TIAM1: variants seen among roughly 807,000 people sequenced by gnomAD.
The protein encoded by TIAM1 is rho guanine nucleotide exchange factor TIAM1.
In TIAM1, 65 loss-of-function variants were observed where a neutral mutation model predicts 163.5. The ratio of observed to expected loss-of-function variants is 0.40; its 90% CI spans 0.33 to 0.49. The LOEUF (loss-of-function observed/expected upper bound fraction) is 0.49. TIAM1 is among the 20% of genes least tolerant of loss of function. The pLI, the probability that TIAM1 is intolerant of heterozygous loss-of-function variation, is 0.77. For missense variants in TIAM1, 1,789 were observed against 2,044.7 expected (o/e 0.87, Z 2.41); for synonymous variants, 833 against 810.1 (o/e 1.03, Z -0.48).
intron 2 of TIAM1, among the ~76,000 whole-genome samples, chr21:31,422,607 C>G (rs2043617294): frequency 6.6e-6 from 1 of 152,154 alleles, no homozygotes; most frequent in Admixed American, 6.5e-5. Context: ...AACTCCCTAT[C>G]CAGCAACCCA....
intron 1 of TIAM1, among the ~76,000 whole-genome samples, chr21:31,506,919 A>G (rs1848931012): frequency 6.6e-6 from 1 of 152,046 alleles, no homozygotes; most frequent in African/African-American, 2.4e-5. Context: ...CCTGTCTCAA[A>G]CAAACAAACA....
At chr21:31,376,410 C>A (rs1166539941) in intron 2 of TIAM1, among the ~76,000 whole-genome samples, 1 of 152,160 alleles carries the variant, frequency 6.6e-6, no homozygotes, top group Non-Finnish European at 1.5e-5. Flanking sequence ...CCGTCTGCAC[C>A]CTCTCCATTT....
intron 1 of TIAM1, among the ~76,000 whole-genome samples, chr21:31,538,737 A>G (rs2048220537): frequency 6.6e-6 from 1 of 152,190 alleles, no homozygotes; most frequent in South Asian, 2.1e-4. Flanking sequence ...TTCGAAAGAG[A>G]TTTGGCCCCT....
intron 2 of TIAM1, among the ~76,000 whole-genome samples, chr21:31,428,562 TAAAC>T (rs1289198589): frequency 1.3e-5 from 2 of 151,832 alleles, no homozygotes; most frequent in Non-Finnish European, 2.9e-5. Context: ...AGGCTGGAAA[TAAAC>T]AATTCAAATG....
In TIAM1 at chr21:31,461,841, T is replaced by C. The variant is rs564845639; in HGVS notation, c.-369+2142A>G. 2.2e-4 allele frequency among the ~76,000 whole-genome samples: 33 copies of C among 152,148 alleles called. 1 individual carries two copies. In the South Asian group the frequency reaches 6.2e-3, roughly 29 times the overall value. ...CTACTATGCCTGGCTAATTTTTCTA[T>C]ATTTTTGTAGAGACGGGGTCTCTCC... On this transcript the variant is annotated intron_variant, in intron 2 of 28. Coordinates refer to the TIAM1 transcript ENST00000286827.
intron 2 of TIAM1, among the ~76,000 whole-genome samples, chr21:31,285,035 C>T (rs1344703601): frequency 6.6e-6 from 1 of 152,218 alleles, no homozygotes; most frequent in Non-Finnish European, 1.5e-5. Flanking sequence ...CTGACCCCTA[C>T]AGCCTGGCTT....
intron 19 of TIAM1, among the ~76,000 whole-genome samples, chr21:31,151,248 AC>A: frequency 6.6e-6 from 1 of 152,368 alleles, no homozygotes; most frequent in African/African-American, 2.4e-5. Context: ...ATATATCCAT[AC>A]TAAAACTTGT....
chr21:31,389,674 T>G (rs2076936817), intron 2 of TIAM1, among the ~76,000 whole-genome samples: 1 of 152,196 alleles, frequency 6.6e-6, no homozygotes, highest in Admixed American at 6.5e-5. Flanking sequence ...ACAATCAAAG[T>G]CCCATGCGTT....
At chr21:31,199,224 G>A (rs1279307863) in intron 12 of TIAM1, among the ~76,000 whole-genome samples, 3 of 152,006 alleles carry the variant, frequency 2.0e-5, no homozygotes, top group South Asian at 2.1e-4. Flanking sequence ...CCACCGTCAC[G>A]CTCTTGCCTG....
At chr21:31,398,158 CAAAAAA>C (rs34895602) in intron 2 of TIAM1, among the ~76,000 whole-genome samples, 7 of 52,504 alleles carry the variant, frequency 1.3e-4, no homozygotes, top group Non-Finnish European at 7.7e-5. Context: ...ATCTTCAGGG[CAAAAAA>C]AAAAAAAAAA....
At chr21:31,459,911 A>G (rs2045260032) in intron 2 of TIAM1, among the ~76,000 whole-genome samples, 1 of 152,192 alleles carries the variant, frequency 6.6e-6, no homozygotes, top group Non-Finnish European at 1.5e-5. Context: ...ACGGAGGCTG[A>G]GACTCTCAGC....
At chr21:31,498,870 C>T (rs772937282) in intron 1 of TIAM1, among the ~76,000 whole-genome samples, 7 of 151,746 alleles carry the variant, frequency 4.6e-5, no homozygotes, top group African/African-American at 1.7e-4. Context: ...TGCTTGAACC[C>T]GGGAGGCGGG....
chr21:31,351,202 G>A (rs1424745059), intron 2 of TIAM1, among the ~76,000 whole-genome samples: 1 of 152,182 alleles, frequency 6.6e-6, no homozygotes, highest in Admixed American at 6.5e-5. Context: ...ACCTCTATAT[G>A]TAAGAGAAGA....
At chr21:31,178,316 T>TTC (rs2146421175) in intron 15 of TIAM1, among the ~76,000 whole-genome samples, 1 of 142,134 alleles carries the variant, frequency 7.0e-6, no homozygotes, top group East Asian at 2.1e-4. Flanking sequence ...TTTTTTTTTT[T>TTC]TTTTTTTTTT....
At chr21:31,250,159 AAAAAAAAAAAAAG>A (rs796749252) in intron 5 of TIAM1, among the ~76,000 whole-genome samples, 1,981 of 151,650 alleles carry the variant, frequency 0.013, 51 homozygotes, top group African/African-American at 0.045. Flanking sequence ...CAGAAAAAAA[AAAAAAAAAAAAAG>A]AAAAAGATAA....
At chr21:31,517,062 A>AAG (rs1556015048) in intron 1 of TIAM1, among the ~76,000 whole-genome samples, 3 of 151,364 alleles carry the variant, frequency 2.0e-5, no homozygotes, top group East Asian at 1.9e-4. Context: ...AAAAAAAAAA[A>AAG]AAAAGAAAAG....
In TIAM1 at chr21:31,522,156, C is replaced by T. The variant is rs187133235; in HGVS notation, c.-422+36771G>A. Among the ~76,000 whole-genome samples, 296 of 151,946 alleles carry T rather than the reference C, an allele frequency of 1.9e-3. 1 individual carries two copies. The highest frequency in any genetic ancestry group is 6.4e-3 in the African/African-American group (265 of 41,488). On this transcript the variant is annotated intron_variant, in intron 1 of 28. Transcript: ENST00000286827. ...AAAATGCTGGGATTACAGGCGTGAG[C>T]CACCACGCCCGGCCGGCTCTTAATA...
intron 6 of TIAM1, among the ~76,000 whole-genome samples, chr21:31,231,989 G>T (rs1056924823): frequency 1.3e-5 from 2 of 151,656 alleles, no homozygotes; most frequent in Non-Finnish European, 2.9e-5. Flanking sequence ...TCTACCCTGG[G>T]CAACAGAGAG....
rs879271787 is a variant in TIAM1, at chr21:31,495,967, C to CA, written c.-421-31933dup. Among the ~76,000 whole-genome samples the CA allele has an allele frequency of 4.0e-3, 550 of 135,860 alleles. 4 individuals are homozygous for CA. Among genetic ancestry groups the CA allele is most frequent in the African/African-American group, 0.012 (459 of 36,906 alleles). 89.1% of individuals were successfully genotyped at this position (135,860 alleles called of 152,430 possible). A position where few individuals can be genotyped will look rare whatever the true frequency, so the allele number is the denominator to read the frequency against. On this transcript the variant is annotated intron_variant, in intron 1 of 28. Transcript: ENST00000286827. ...AGCCTGAGTGACAGAGTGAGGGTCT[C>CA]AAAAAAAAAAAAGATTACAATGGAG...
Sources: allele counts gnomAD v4.1 joint callset (sites outside exome capture counted in the v4.1 genomes callset), GRCh38; gene constraint gnomAD v4.1.1; transcripts MANE v1.5; gene names NCBI Gene and HGNC (gene_info 2026-07-23, HGNC 2026-07-21).